The following NARS2 variants were observed in gnomAD, a reference collection of about 807,000 sequenced individuals.
NARS2 encodes the protein asparaginyl-tRNA synthetase.
A neutral mutation model predicts 62.9 loss-of-function variants in NARS2; 60 were observed. The ratio of observed to expected loss-of-function variants is 0.95; its 90% CI spans 0.77 to 1.18. NARS2 has a LOEUF of 1.18. Among genes scored for constraint, NARS2 ranks in the 50% most tolerant of loss-of-function variants. The pLI is 0.00. For synonymous variants in NARS2, 196 were observed against 200.0 expected (o/e 0.98, Z 0.17); for missense variants, 619 against 576.4 (o/e 1.07, Z -0.76).
chr11:78,462,431 G>A (rs1858436275), intron 11 of NARS2, among the ~76,000 whole-genome samples: 1 of 152,178 alleles, frequency 6.6e-6, no homozygotes, highest in East Asian at 1.9e-4. Flanking sequence ...ATGATTTTGT[G>A]TGAAAGGTGA....
At position 78,443,928 on chromosome 11, in the gene NARS2, T is replaced by C. The variant is rs539687423; in HGVS notation, c.1165-170A>G. 1.1e-3 allele frequency: 598 copies of C among 530,178 alleles called. 1 individual carries two copies. The highest frequency in any genetic ancestry group is 4.8e-3 in the Middle Eastern group (9 of 1,872). The allele number at this position is 530,178 out of a possible 1,614,324, so 32.8% of individuals were successfully genotyped here. On this transcript the variant is annotated intron_variant, in intron 11 of 13. Coordinates refer to ENST00000281038, the MANE Select transcript of NARS2 (RefSeq NM_024678.6). ...GACAATTTCCTCTCTCTTGCACCAT[T>C]TGTGTAGTATACTGAACACAAATGT...
rs149435406 is a variant in NARS2, at chr11:78,446,677, G to A, written c.1165-2919C>T. ...AAACAGAGCATTTCATCCTTGTTTAGCTCTAAAATTAACTCAAAATGGATT... is the reference window on the plus strand; with the variant it reads ...AAACAGAGCATTTCATCCTTGTTTAACTCTAAAATTAACTCAAAATGGATT... On this transcript the variant is annotated intron_variant, in intron 11 of 13. Transcript: ENST00000281038. 2.0e-3 allele frequency among the ~76,000 whole-genome samples: 299 copies of A among 152,160 alleles called. 1 individual carries two copies. Among genetic ancestry groups the A allele is most frequent in the African/African-American group, 6.9e-3 (287 of 41,516 alleles).
intron 11 of NARS2, among the ~76,000 whole-genome samples, chr11:78,451,838 T>C (rs1256344117): frequency 3.3e-5 from 5 of 152,194 alleles, no homozygotes; most frequent in Non-Finnish European, 7.3e-5. Context: ...CCAATTCCAG[T>C]GTGCTTTTAG....
chr11:78,533,983 ATTTTTTTTCAGTGCTG>A (rs1312567193), intron 5 of NARS2, among the ~76,000 whole-genome samples: 2 of 151,806 alleles, frequency 1.3e-5, no homozygotes, highest in Admixed American at 6.6e-5. Flanking sequence ...TTGATAGCTC[ATTTTTTTTCAGTGCTG>A]AATAATATTT....
chr11:78,458,126 T>C (rs1035841901), intron 11 of NARS2, among the ~76,000 whole-genome samples: 1 of 152,164 alleles, frequency 6.6e-6, no homozygotes, highest in African/African-American at 2.4e-5. Flanking sequence ...GGATTTTGAA[T>C]GTTCACAACA....
Position 78,465,137 on chromosome 11 carries a change from G to C in NARS2, c.1164+739C>G, listed in dbSNP as rs990019337. 2.6e-5 allele frequency among the ~76,000 whole-genome samples: 4 copies of C among 152,338 alleles called. No homozygotes were observed. The East Asian group carries it at 5.8e-4, about 22-fold the overall frequency. ...CCCCACGGGAAGGCAGCTAAGGCCT[G>C]GCAGGAAATTGAGCACAGCTGCTGC... On this transcript the variant is annotated intron_variant, in intron 11 of 13. Coordinates refer to ENST00000281038, the MANE Select transcript of NARS2 (RefSeq NM_024678.6).
chr11:78,459,406 G>GGTAA (rs1259747404), intron 11 of NARS2, among the ~76,000 whole-genome samples: 1 of 150,744 alleles, frequency 6.6e-6, no homozygotes, highest in East Asian at 1.9e-4. Context: ...AAGTAGCTGG[G>GGTAA]ATTACAGGTG....
Position 78,574,202 on chromosome 11 carries a change from A to G in NARS2, c.141+146T>C, listed in dbSNP as rs1057291181. 20 of 995,642 alleles carry G rather than the reference A, an allele frequency of 2.0e-5. No homozygotes were observed. The African/African-American group carries it at 3.1e-4, about 15-fold the overall frequency. The allele number at this position is 995,642 out of a possible 1,614,324, so 61.7% of individuals were successfully genotyped here. On this transcript the variant is annotated intron_variant, in intron 1 of 13. Transcript: ENST00000281038. Reference sequence around the variant, plus strand: ...TTTTGTGAAAAGTAATGGAAATCAGAAAAGTGCAAACCCGCGACGCCTACA... The same window carrying G: ...TTTTGTGAAAAGTAATGGAAATCAGGAAAGTGCAAACCCGCGACGCCTACA...
intron 11 of NARS2, among the ~76,000 whole-genome samples, chr11:78,456,207 C>G (rs1858157905): frequency 1.3e-5 from 2 of 152,112 alleles, no homozygotes; most frequent in Admixed American, 1.3e-4. Context: ...TTGCTTTAAC[C>G]AAACTTGTTC....
intron 6 of NARS2, among the ~76,000 whole-genome samples, chr11:78,503,410 G>A (rs1010214553): frequency 1.3e-5 from 2 of 152,044 alleles, no homozygotes; most frequent in Non-Finnish European, 2.9e-5. Context: ...GCTAATTTTT[G>A]TATTTTTAGT....
intron 5 of NARS2, chr11:78,546,401 T>A (rs1461952096): frequency 6.6e-6 from 1 of 152,256 alleles, no homozygotes; most frequent in African/African-American, 2.4e-5. Flanking sequence ...ACTCTTTAAC[T>A]GTGGGTGAGG....
intron 5 of NARS2, among the ~76,000 whole-genome samples, chr11:78,550,263 A>G (rs1050223924): frequency 1.3e-5 from 2 of 152,206 alleles, no homozygotes; most frequent in African/African-American, 4.8e-5. Context: ...ACCTGAAGTG[A>G]CCTAATGTTA....
chr11:78,569,286 G>T (rs1208449824), intron 2 of NARS2, among the ~76,000 whole-genome samples: 2 of 152,166 alleles, frequency 1.3e-5, no homozygotes, highest in South Asian at 2.1e-4. Context: ...TATCAAAAAA[G>T]GAGCTGGTAA....
intron 7 of NARS2, among the ~76,000 whole-genome samples, chr11:78,485,602 G>A (rs1052591933): frequency 6.6e-6 from 1 of 152,130 alleles, no homozygotes; most frequent in Admixed American, 6.5e-5. Flanking sequence ...AGTAGGCATA[G>A]GAAGCAAAAC....
At chr11:78,469,452 C>A in intron 9 of NARS2, 139 bp from the exon 10 acceptor site, 1 of 631,160 alleles carries the variant, frequency 1.6e-6, no homozygotes, top group Non-Finnish European at 2.8e-6. Flanking sequence ...TGATCTAATC[C>A]TATGAAAGAA....
intron 12 of NARS2, among the ~76,000 whole-genome samples, chr11:78,442,092 T>C (rs1857593472): frequency 6.6e-6 from 1 of 152,206 alleles, no homozygotes; most frequent in African/African-American, 2.4e-5. Context: ...GATGTGGCTA[T>C]TATCAGGTAT....
intron 9 of NARS2, among the ~76,000 whole-genome samples, chr11:78,471,531 T>A (rs373819830): frequency 6.6e-6 from 1 of 151,458 alleles, no homozygotes; most frequent in East Asian, 1.9e-4. Flanking sequence ...TTTTTTTTTC[T>A]TTTTTTTCTT....
chr11:78,561,471 C>A (rs7101478), intron 4 of NARS2, among the ~76,000 whole-genome samples: 99,203 of 151,944 alleles, frequency 0.65, 34,175 homozygotes, highest in Non-Finnish European at 0.79. Context: ...ATAAAAGCAA[C>A]CACTTTCACC....
chr11:78,493,025 G>A, intron 7 of NARS2, 38 bp downstream of exon 7: 11 of 1,286,214 alleles, frequency 8.6e-6, no homozygotes, highest in East Asian at 2.4e-5. Context: ...ACATTTTAAT[G>A]TCACAGATAC....
Sources: allele counts gnomAD v4.1 joint callset (sites outside exome capture counted in the v4.1 genomes callset), GRCh38; gene constraint gnomAD v4.1.1; transcripts MANE v1.5; gene names NCBI Gene and HGNC (gene_info 2026-07-23, HGNC 2026-07-21).